Variants in ADD3 observed in about 807,000 individuals in gnomAD.
ADD3 encodes gamma-adducin.
ADD3 carries 25 observed loss-of-function variants against 80.2 expected under a neutral mutation model. That is an observed-to-expected ratio of 0.31 (90% CI 0.23 to 0.44). ADD3 has a LOEUF of 0.44. ADD3 is among the 20% of genes least tolerant of loss of function. The probability of loss-of-function intolerance (pLI) is 1.00; values close to 1 mark genes in which losing one functional copy is unlikely to be tolerated. For synonymous variants in ADD3, 284 were observed against 289.6 expected, an observed-to-expected ratio of 0.98 and a Z score of 0.20; for missense variants, 829 against 847.5, an observed-to-expected ratio of 0.98 and a Z score of 0.27.
At chr10:109,999,814 T>A (rs1467967118) in intron 1 of ADD3, among the ~76,000 whole-genome samples, 1 of 152,208 alleles carries the variant, frequency 6.6e-6, no homozygotes, top group East Asian at 1.9e-4. Context: ...CTAGGAGCTT[T>A]ACATTTATTA....
At chr10:110,062,365 A>G (rs140038608) in intron 1 of ADD3, among the ~76,000 whole-genome samples, 233 of 151,548 alleles carry the variant, frequency 1.5e-3, no homozygotes, top group African/African-American at 4.8e-3. Flanking sequence ...TTGCATGCCA[A>G]TGCAGGCCAT....
intron 1 of ADD3, among the ~76,000 whole-genome samples, chr10:110,033,483 A>T (rs531313092): frequency 3.3e-5 from 5 of 152,264 alleles, no homozygotes; most frequent in Admixed American, 1.3e-4. Context: ...TTCCATGTAA[A>T]ATGCAGGGTA....
At chr10:110,002,489 T>C (rs1411904738), upstream of ADD3, among the ~76,000 whole-genome samples, 1 of 152,000 alleles carries the variant, frequency 6.6e-6, no homozygotes, top group East Asian at 2.0e-4. Flanking sequence ...TTAGCCAGGA[T>C]GGTCTCGATC....
At chr10:110,091,178 A>G (rs1319028988) in intron 1 of ADD3, among the ~76,000 whole-genome samples, 2 of 152,152 alleles carry the variant, frequency 1.3e-5, no homozygotes, top group Non-Finnish European at 2.9e-5. Flanking sequence ...TTGTGATCAT[A>G]TAATATTTTC....
chr10:110,029,949 G>A (rs2133178850), intron 1 of ADD3, among the ~76,000 whole-genome samples: 1 of 152,184 alleles, frequency 6.6e-6, no homozygotes, highest in Admixed American at 6.5e-5. Flanking sequence ...ACACTCTTAA[G>A]GAGTCTTATT....
intron 1 of ADD3, among the ~76,000 whole-genome samples, chr10:110,013,664 A>G (rs941973562): frequency 6.6e-6 from 1 of 152,244 alleles, no homozygotes; most frequent in African/African-American, 2.4e-5. Flanking sequence ...AGTAATATAC[A>G]CGAAATTATT....
rs541196556 is a variant in ADD3, at chr10:110,127,384, C to T, written c.1608+881C>T. 3.9e-5 allele frequency among the ~76,000 whole-genome samples: 6 copies of T among 152,244 alleles called. No homozygotes were observed. In the South Asian group the frequency reaches 6.2e-4, roughly 16 times the overall value. On this transcript the variant is annotated intron_variant, in intron 12 of 14. Coordinates refer to ENST00000356080, the MANE Select transcript of ADD3 (RefSeq NM_016824.5). The stretch of plus-strand genomic sequence containing the variant: ...CTGTAATCCCAGCACTTTGGGAGGC[C>T]GAGGCGGGCAGATCACGAGGTCAAG...
At chr10:110,007,684 C>T (rs2132896479), upstream of ADD3, among the ~76,000 whole-genome samples, 1 of 152,224 alleles carries the variant, frequency 6.6e-6, no homozygotes. Context: ...CCTGCAGGCC[C>T]CCACCGCTGC....
intron 8 of ADD3, among the ~76,000 whole-genome samples, chr10:110,121,463 A>G (rs1012574469): frequency 6.6e-6 from 1 of 152,108 alleles, no homozygotes; most frequent in African/African-American, 2.4e-5. Flanking sequence ...AGCCTGGGCA[A>G]CAAGAGTGAA....
At chr10:110,026,463 A>G (rs1854319157) in intron 1 of ADD3, among the ~76,000 whole-genome samples, 1 of 151,960 alleles carries the variant, frequency 6.6e-6, no homozygotes, top group Admixed American at 6.6e-5. Flanking sequence ...TATTTTTAGT[A>G]GAGATGGGGT....
chr10:110,000,339 T>G (rs1311543432), intron 1 of ADD3, among the ~76,000 whole-genome samples: 3 of 152,242 alleles, frequency 2.0e-5, no homozygotes, highest in Non-Finnish European at 4.4e-5. Flanking sequence ...GTTAATGATT[T>G]GTATTATGTC....
At chr10:110,098,671 C>G (rs1417282217) in intron 1 of ADD3, among the ~76,000 whole-genome samples, 1 of 151,708 alleles carries the variant, frequency 6.6e-6, no homozygotes, top group African/African-American at 2.4e-5. Context: ...ACTCTGTTGC[C>G]CAGGCTGCAG....
chr10:110,001,339 C>T (rs1389446261), upstream of ADD3, among the ~76,000 whole-genome samples: 3 of 151,110 alleles, frequency 2.0e-5, no homozygotes, highest in African/African-American at 4.9e-5. Context: ...CGCTTGAGCC[C>T]GGAAGATTGA....
chr10:110,035,598 A>G (rs1160144374), intron 1 of ADD3, among the ~76,000 whole-genome samples: 1 of 152,170 alleles, frequency 6.6e-6, no homozygotes, highest in Non-Finnish European at 1.5e-5. Flanking sequence ...TTCTACTACC[A>G]GTAATAGTAT....
At chr10:110,065,119 ATTTC>A (rs1230209546) in intron 1 of ADD3, among the ~76,000 whole-genome samples, 3 of 152,094 alleles carry the variant, frequency 2.0e-5, no homozygotes, top group Non-Finnish European at 4.4e-5. Flanking sequence ...TCCAGTTTTA[ATTTC>A]TTTCTTCCTA....
At chr10:110,000,298 G>A (rs889060510) in intron 1 of ADD3, among the ~76,000 whole-genome samples, 3 of 152,204 alleles carry the variant, frequency 2.0e-5, no homozygotes, top group Non-Finnish European at 2.9e-5. Context: ...ACTATCTGCT[G>A]TAAATAATAA....
chr10:110,123,187 G>A (rs1312454484), intron 9 of ADD3, among the ~76,000 whole-genome samples: 1 of 152,180 alleles, frequency 6.6e-6, no homozygotes, highest in Non-Finnish European at 1.5e-5. Flanking sequence ...TGAGAGTACA[G>A]ATACCTCTTT....
chr10:110,130,563 G>A, intron 13 of ADD3, 77 bp downstream of exon 13: 2 of 1,516,418 alleles, frequency 1.3e-6, no homozygotes, highest in Non-Finnish European at 1.8e-6. Context: ...ATGATAGAAA[G>A]CAGTCAGTGT....
upstream of ADD3, among the ~76,000 whole-genome samples, chr10:110,002,284 T>C (rs942934638): frequency 9.9e-5 from 15 of 152,100 alleles, no homozygotes; most frequent in Admixed American, 3.9e-4. Flanking sequence ...AGTGAGTCTT[T>C]TTTTTTTGAG....
Sources: gnomAD v4.1 joint callset for allele counts (sites outside exome capture counted in the v4.1 genomes callset) on GRCh38, gnomAD v4.1.1 for gene constraint, MANE v1.5 for transcripts, NCBI Gene and HGNC (gene_info 2026-07-23, HGNC 2026-07-21) for gene names.